The following NCKAP5 variants were observed in gnomAD, a reference collection of about 807,000 sequenced individuals.
The protein encoded by NCKAP5 is nck-associated protein 5.
Under a neutral mutation model 167.0 loss-of-function variants are expected in NCKAP5, and 92 were observed. The ratio of observed to expected loss-of-function variants is 0.55; its 90% CI spans 0.47 to 0.66. The LOEUF (loss-of-function observed/expected upper bound fraction) is 0.66. NCKAP5 is among the 30% of genes least tolerant of loss of function. NCKAP5 has a pLI of 0.00. For synonymous variants in NCKAP5, 891 were observed against 877.4 expected (o/e 1.02, Z -0.27); for missense variants, 2,378 against 2,315.0 (o/e 1.03, Z -0.56).
the NCKAP5 span, among the ~76,000 whole-genome samples, chr2:133,578,407 G>C: frequency 1.3e-5 from 2 of 152,218 alleles, no homozygotes; most frequent in Non-Finnish European, 2.9e-5. Flanking sequence ...ACTAACCCTG[G>C]GGAAGACGCA....
At chr2:133,517,380 G>T in intron 3 of NCKAP5, 78 bp downstream of exon 3, 2 of 680,634 alleles carry the variant, frequency 2.9e-6, no homozygotes. Flanking sequence ...AAAGCACAGC[G>T]TTCAGGAAAT....
At chr2:133,644,245 A>G in the NCKAP5 span, among the ~76,000 whole-genome samples, 1 of 152,178 alleles carries the variant, frequency 6.6e-6, no homozygotes, top group Non-Finnish European at 1.5e-5. Context: ...AATAGAACAA[A>G]AAGTTACATT....
At chr2:133,542,735 G>A (rs1686333442) in intron 2 of NCKAP5, among the ~76,000 whole-genome samples, 1 of 152,070 alleles carries the variant, frequency 6.6e-6, no homozygotes, top group Admixed American at 6.5e-5. Flanking sequence ...TCATCTCCTG[G>A]AAATTCTTAA....
At chr2:133,590,420 A>T in the NCKAP5 span, among the ~76,000 whole-genome samples, 1 of 149,512 alleles carries the variant, frequency 6.7e-6, no homozygotes, top group Non-Finnish European at 1.5e-5. Context: ...GCTACCTGGG[A>T]GGCTGAGGCA....
At chr2:133,137,451 T>TG (rs1559179692) in intron 5 of NCKAP5, among the ~76,000 whole-genome samples, 16 of 141,676 alleles carry the variant, frequency 1.1e-4, no homozygotes, top group Middle Eastern at 3.7e-3. Flanking sequence ...TGTGTGTGTG[T>TG]TTTGGAAAAG....
the NCKAP5 span, among the ~76,000 whole-genome samples, chr2:133,630,026 T>C: frequency 6.6e-6 from 1 of 152,036 alleles, no homozygotes; most frequent in Non-Finnish European, 1.5e-5. Context: ...AAATAGCTAA[T>C]GCATGTGGGG....
intron 8 of NCKAP5, among the ~76,000 whole-genome samples, chr2:132,894,874 C>T (rs1364474719): frequency 6.6e-6 from 1 of 152,068 alleles, no homozygotes; most frequent in African/African-American, 2.4e-5. Context: ...GGCTCGCAGC[C>T]TCCTGCCGTT....
At position 132,921,860 on chromosome 2, in the gene NCKAP5, G is replaced by A. The variant is rs147730381; in HGVS notation, c.579+41860C>T. Reference sequence around the variant, plus strand: ...GAATGTAATGCAGGTTTGGCCATTCGGTGCATTCCAACCCCATGGCCTCAG... The same window carrying A: ...GAATGTAATGCAGGTTTGGCCATTCAGTGCATTCCAACCCCATGGCCTCAG... On this transcript the variant is annotated intron_variant, in intron 8 of 19. Transcript: ENST00000409261. 4.3e-3 allele frequency among the ~76,000 whole-genome samples: 652 copies of A among 152,238 alleles called. 3 individuals carry two copies. Among genetic ancestry groups the A allele is most frequent in the African/African-American group, 0.015 (611 of 41,528 alleles).
chr2:132,961,234 A>G (rs920073824), intron 8 of NCKAP5, among the ~76,000 whole-genome samples: 2 of 152,034 alleles, frequency 1.3e-5, no homozygotes, highest in African/African-American at 4.8e-5. Context: ...ATATGGAGCA[A>G]ATATTTTAAA....
intron 8 of NCKAP5, among the ~76,000 whole-genome samples, chr2:132,920,775 A>ATATATGTATGTATGTGTG (rs1695343243): frequency 3.2e-4 from 2 of 6,236 alleles, no homozygotes; most frequent in African/African-American, 7.5e-4. Flanking sequence ...ATGTATGTAT[A>ATATATGTATGTATGTGTG]TATATATATA....
intron 14 of NCKAP5, 104 bp from the exon 15 acceptor site, chr2:132,781,333 T>G (rs1683014683): frequency 3.5e-6 from 4 of 1,128,470 alleles, no homozygotes; most frequent in African/African-American, 1.6e-5. Context: ...TTTGTAGCTC[T>G]TTGTCTTTAA....
rs77412633 is a variant in NCKAP5, at chr2:133,156,606, G to A, written c.208-26495C>T. Among the ~76,000 whole-genome samples, 861 of 152,258 alleles carry A rather than the reference G, an allele frequency of 5.7e-3. 6 individuals are homozygous for A. The highest frequency in any genetic ancestry group is 6.5e-3 in the Admixed American group (100 of 15,296). On this transcript the variant is annotated intron_variant, in intron 5 of 19. Transcript: ENST00000409261. ...CAAAGATTCACTGCTAACATACTGA[G>A]TATTGGTTCATCTTCCACGACAATG...
chr2:133,343,328 T>C (rs1683724199), intron 3 of NCKAP5, among the ~76,000 whole-genome samples: 1 of 151,802 alleles, frequency 6.6e-6, no homozygotes, highest in East Asian at 1.9e-4. Context: ...ATAGGTTTAA[T>C]ATACACATAT....
chr2:133,403,548 T>C (rs925547206), intron 3 of NCKAP5, among the ~76,000 whole-genome samples: 9 of 152,222 alleles, frequency 5.9e-5, no homozygotes, highest in Non-Finnish European at 1.2e-4. Flanking sequence ...TTCATATCCA[T>C]GTGAAACGTA....
chr2:132,747,140 C>T (rs1247883435), intron 16 of NCKAP5, among the ~76,000 whole-genome samples: 1 of 150,516 alleles, frequency 6.6e-6, no homozygotes, highest in South Asian at 2.1e-4. Flanking sequence ...CCTCCATGAA[C>T]CTGCTTTTAA....
intron 6 of NCKAP5, among the ~76,000 whole-genome samples, chr2:133,046,005 T>C (rs2079387102): frequency 6.6e-6 from 1 of 152,156 alleles, no homozygotes; most frequent in Admixed American, 6.5e-5. Flanking sequence ...AGTGTAGATA[T>C]GCTGGACAAA....
intron 3 of NCKAP5, among the ~76,000 whole-genome samples, chr2:133,407,300 C>A (rs1688499944): frequency 6.6e-6 from 1 of 152,230 alleles, no homozygotes; most frequent in Non-Finnish European, 1.5e-5. Context: ...GAGGGCTTCT[C>A]TGTACACAAT....
chr2:133,136,738 G>T (rs949171295), intron 5 of NCKAP5, among the ~76,000 whole-genome samples: 1 of 152,186 alleles, frequency 6.6e-6, no homozygotes, highest in Admixed American at 6.5e-5. Context: ...GGGATTCAAT[G>T]ATATTCCTGT....
intron 3 of NCKAP5, among the ~76,000 whole-genome samples, chr2:133,315,620 A>T (rs1681547624): frequency 6.7e-6 from 1 of 150,072 alleles, no homozygotes; most frequent in Non-Finnish European, 1.5e-5. Flanking sequence ...TAGTACTTGG[A>T]GGTTGAGAGG....
Sources: allele counts gnomAD v4.1 joint callset (sites outside exome capture counted in the v4.1 genomes callset), GRCh38; gene constraint gnomAD v4.1.1; transcripts MANE v1.5; gene names NCBI Gene and HGNC (gene_info 2026-07-23, HGNC 2026-07-21).